KIAA0825: variants seen among roughly 807,000 people sequenced by gnomAD.
KIAA0825 encodes the protein uncharacterized protein KIAA0825.
KIAA0825 carries 119 observed loss-of-function variants against 147.6 expected under a neutral mutation model. That is an observed-to-expected ratio of 0.81 (90% CI 0.69 to 0.94). The LOEUF (loss-of-function observed/expected upper bound fraction) is 0.94. Ranked by LOEUF, KIAA0825 falls within the 40% of genes least tolerant of loss-of-function variation. The pLI, the probability that KIAA0825 is intolerant of heterozygous loss-of-function variation, is 0.00. For synonymous variants in KIAA0825, 470 were observed against 518.1 expected, an observed-to-expected ratio of 0.91 and a Z score of 1.26; for missense variants, 1,381 against 1,472.7, an observed-to-expected ratio of 0.94 and a Z score of 1.02.
intron 1 of KIAA0825, among the ~76,000 whole-genome samples, chr5:94,608,476 TA>T (rs1216097637): frequency 3.7e-5 from 1 of 27,360 alleles, no homozygotes; most frequent in Non-Finnish European, 6.0e-5. Flanking sequence ...ATATATATAA[TA>T]TATATATATA....
At chr5:94,215,273 A>G (rs1773094123) in intron 20 of KIAA0825, among the ~76,000 whole-genome samples, 1 of 152,196 alleles carries the variant, frequency 6.6e-6, no homozygotes, top group African/African-American at 2.4e-5. Context: ...TAGTAAAAAT[A>G]AAAGATGGAC....
chr5:94,331,859 A>C (rs966145979), intron 20 of KIAA0825, among the ~76,000 whole-genome samples: 1 of 152,140 alleles, frequency 6.6e-6, no homozygotes, highest in Admixed American at 6.6e-5. Flanking sequence ...AGAAAATCAG[A>C]AACATGGCTG....
At chr5:94,395,441 C>T (rs553163375) in intron 17 of KIAA0825, among the ~76,000 whole-genome samples, 4 of 152,178 alleles carry the variant, frequency 2.6e-5, no homozygotes, top group African/African-American at 9.6e-5. Flanking sequence ...CAATTCTATA[C>T]CTGAAGACTA....
chr5:94,604,985 AATAG>A (rs1406739162), intron 1 of KIAA0825, among the ~76,000 whole-genome samples: 1 of 152,158 alleles, frequency 6.6e-6, no homozygotes, highest in Non-Finnish European at 1.5e-5. Context: ...AAATTAAAAA[AATAG>A]ATAGACGGCT....
At chr5:94,380,918 A>G (rs1178232567) in intron 20 of KIAA0825, among the ~76,000 whole-genome samples, 2 of 152,232 alleles carry the variant, frequency 1.3e-5, no homozygotes, top group Non-Finnish European at 2.9e-5. Context: ...TGCAGTCAGC[A>G]CAGAACCAGC....
At chr5:94,573,784 G>A (rs1040583815) in intron 2 of KIAA0825, among the ~76,000 whole-genome samples, 2 of 152,168 alleles carry the variant, frequency 1.3e-5, no homozygotes, top group African/African-American at 4.8e-5. Context: ...AAATATGGCA[G>A]GGAAACATGT....
At chr5:94,552,481 C>T (rs1355625444) in intron 2 of KIAA0825, among the ~76,000 whole-genome samples, 1 of 152,128 alleles carries the variant, frequency 6.6e-6, no homozygotes, top group Non-Finnish European at 1.5e-5. Flanking sequence ...GCACATGGAA[C>T]ATTCTTCAGG....
At chr5:94,416,518 C>A (rs1349916141) in intron 15 of KIAA0825, 11 of 152,142 alleles carry the variant, frequency 7.2e-5, no homozygotes, top group Non-Finnish European at 1.5e-5. Flanking sequence ...TCTAAGTTTT[C>A]ATCCTTTGTT....
intron 2 of KIAA0825, among the ~76,000 whole-genome samples, chr5:94,551,996 C>T (rs1775631772): frequency 6.6e-6 from 1 of 151,790 alleles, no homozygotes; most frequent in Non-Finnish European, 1.5e-5. Context: ...GATCAAAGAA[C>T]AAGACCCAAC....
At chr5:94,171,624 CTT>C (rs545401795) in intron 20 of KIAA0825, among the ~76,000 whole-genome samples, 3 of 152,020 alleles carry the variant, frequency 2.0e-5, no homozygotes, top group African/African-American at 7.2e-5. Context: ...GCAGAATTAA[CTT>C]TTTTTCAAAA....
At chr5:94,250,817 A>T (rs1408482204) in intron 20 of KIAA0825, among the ~76,000 whole-genome samples, 6 of 152,132 alleles carry the variant, frequency 3.9e-5, no homozygotes, top group Non-Finnish European at 5.9e-5. Flanking sequence ...AGACATTTCT[A>T]CATATCCAAT....
Position 94,253,617 on chromosome 5 carries a change from A to G in KIAA0825, c.3711-99493T>C, listed in dbSNP as rs1285235690. The stretch of plus-strand genomic sequence containing the variant: ...CTCAAGTATACGCCCTAAGATTTAC[A>G]TGCTACTTTGTTAGCACTGCAGGGT... On this transcript the variant is annotated intron_variant, in intron 20 of 20. Coordinates refer to ENST00000682413, the MANE Select transcript of KIAA0825 (RefSeq NM_001145678.3). Among the ~76,000 whole-genome samples, 6 of 152,242 alleles carry G rather than the reference A, an allele frequency of 3.9e-5. No homozygotes were observed. The East Asian group carries it at 9.7e-4, about 25-fold the overall frequency.
intron 20 of KIAA0825, among the ~76,000 whole-genome samples, chr5:94,258,535 A>T (rs570869400): frequency 6.6e-6 from 1 of 152,124 alleles, no homozygotes; most frequent in East Asian, 1.9e-4. Flanking sequence ...TTTTTCCCCC[A>T]GCAACATCAA....
At chr5:94,221,942 C>T (rs1338388860) in intron 20 of KIAA0825, among the ~76,000 whole-genome samples, 1 of 151,980 alleles carries the variant, frequency 6.6e-6, no homozygotes, top group Non-Finnish European at 1.5e-5. Flanking sequence ...TTTTCTCACC[C>T]ACGCCTTTGC....
chr5:94,347,273 A>C (rs2150351778), intron 20 of KIAA0825, among the ~76,000 whole-genome samples: 1 of 152,344 alleles, frequency 6.6e-6, no homozygotes, highest in South Asian at 2.1e-4. Flanking sequence ...GGCTCCGCCC[A>C]CTGCTGGTTC....
intron 20 of KIAA0825, among the ~76,000 whole-genome samples, chr5:94,174,822 AG>A (rs1451228193): frequency 2.6e-5 from 4 of 152,312 alleles, no homozygotes; most frequent in Admixed American, 6.5e-5. Flanking sequence ...GAAGGCAGCA[AG>A]AATACCCTTT....
At chr5:94,612,040 C>CA (rs1320423327) in intron 1 of KIAA0825, 2 of 152,022 alleles carry the variant, frequency 1.3e-5, no homozygotes, top group Non-Finnish European at 2.9e-5. Flanking sequence ...CACATGATGC[C>CA]AAAAATCAGT....
intron 20 of KIAA0825, among the ~76,000 whole-genome samples, chr5:94,229,302 C>A (rs1357298830): frequency 2.0e-5 from 3 of 152,086 alleles, no homozygotes; most frequent in Admixed American, 6.6e-5. Flanking sequence ...TTCAGTGTTG[C>A]TTTTGAGGTG....
intron 2 of KIAA0825, among the ~76,000 whole-genome samples, chr5:94,555,858 T>C (rs780790054): frequency 6.6e-6 from 1 of 152,164 alleles, no homozygotes; most frequent in Non-Finnish European, 1.5e-5. Context: ...CTGTATCTGT[T>C]GAGATTAGAC....
Sources: gnomAD v4.1 joint callset for allele counts (sites outside exome capture counted in the v4.1 genomes callset) on GRCh38, gnomAD v4.1.1 for gene constraint, MANE v1.5 for transcripts, NCBI Gene and HGNC (gene_info 2026-07-23, HGNC 2026-07-21) for gene names.